The following PTK2 variants were observed in gnomAD, a reference collection of about 807,000 sequenced individuals.
PTK2 encodes the protein focal adhesion kinase 1.
PTK2 carries 45 observed loss-of-function variants against 150.1 expected under a neutral mutation model. The observed-to-expected ratio is 0.30, with a 90% CI of 0.24 to 0.38. The LOEUF (loss-of-function observed/expected upper bound fraction) is 0.38. Ranked by LOEUF, PTK2 falls within the 10% of genes least tolerant of loss-of-function variation. The pLI is 1.00. For synonymous variants in PTK2, 432 were observed against 449.2 expected, an observed-to-expected ratio of 0.96 and a Z score of 0.48; for missense variants, 919 against 1,307.3, an observed-to-expected ratio of 0.70 and a Z score of 4.58.
intron 14 of PTK2, among the ~76,000 whole-genome samples, chr8:140,768,210 C>T (rs1018273186): frequency 1.3e-5 from 2 of 151,934 alleles, no homozygotes; most frequent in African/African-American, 4.8e-5. Context: ...ATTTCACAGG[C>T]AAGAAACGGT....
chr8:140,669,301 G>GTATATATATATATATATATA (rs35271369), intron 29 of PTK2: 50 of 97,986 alleles, frequency 5.1e-4, no homozygotes, highest in South Asian at 6.9e-4. Context: ...GCATAAAATG[G>GTATATATATATATATATATA]TATATATATA....
chr8:140,972,767 T>C (rs1276594372), intron 1 of PTK2, among the ~76,000 whole-genome samples: 1 of 152,240 alleles, frequency 6.6e-6, no homozygotes, highest in Non-Finnish European at 1.5e-5. Context: ...CGCACACTGG[T>C]AGAGTTAAGA....
intron 2 of PTK2, among the ~76,000 whole-genome samples, chr8:140,905,989 G>A (rs1281328098): frequency 1.3e-5 from 2 of 151,548 alleles, no homozygotes; most frequent in Non-Finnish European, 2.9e-5. Context: ...GACACAACAT[G>A]CCAGATCCTG....
At chr8:140,874,590 C>T (rs1438762394) in intron 4 of PTK2, among the ~76,000 whole-genome samples, 2 of 152,178 alleles carry the variant, frequency 1.3e-5, no homozygotes, top group Non-Finnish European at 2.9e-5. Context: ...AGTATACCAC[C>T]CATTTAAGCC....
chr8:140,856,444 G>A (rs544153233), intron 5 of PTK2, among the ~76,000 whole-genome samples: 5 of 151,988 alleles, frequency 3.3e-5, no homozygotes, highest in African/African-American at 1.2e-4. Flanking sequence ...AATACACTAC[G>A]ATATATTTAT....
At chr8:140,742,014 T>C (rs2100055983) in intron 20 of PTK2, among the ~76,000 whole-genome samples, 2 of 152,136 alleles carry the variant, frequency 1.3e-5, no homozygotes, top group African/African-American at 4.8e-5. Flanking sequence ...CGCACGCCCG[T>C]AGTACCAGCA....
At chr8:140,748,644 C>G (rs1247406329) in intron 17 of PTK2, among the ~76,000 whole-genome samples, 1 of 152,128 alleles carries the variant, frequency 6.6e-6, no homozygotes, top group Non-Finnish European at 1.5e-5. Context: ...TGGCCTATGG[C>G]AGTAACATGA....
intron 1 of PTK2, among the ~76,000 whole-genome samples, chr8:140,957,860 C>T (rs535790563): frequency 2.6e-5 from 4 of 152,132 alleles, no homozygotes; most frequent in Non-Finnish European, 5.9e-5. Context: ...TTGCTGAGTA[C>T]ACTCTATGAC....
Position 140,735,057 on chromosome 8 carries a change from A to G in PTK2, c.2030+194T>C, listed in dbSNP as rs1305847728. ...ATAATTGGAGCTTTATTAAAATTTT[A>G]AAGATATAATTTACTTAAGACTCTA... On this transcript the variant is annotated intron_variant, in intron 22 of 31. Transcript: ENST00000522684. 4 of 608,290 alleles carry G rather than the reference A, an allele frequency of 6.6e-6. No homozygotes were observed. The African/African-American group carries it at 7.4e-5, about 11-fold the overall frequency. The allele number at this position is 608,290 out of a possible 1,614,324, so 37.7% of individuals were successfully genotyped here.
chr8:140,907,038 T>G (rs1309262664), intron 2 of PTK2, among the ~76,000 whole-genome samples: 1 of 152,212 alleles, frequency 6.6e-6, no homozygotes, highest in Non-Finnish European at 1.5e-5. Flanking sequence ...CAAGCAGATC[T>G]CACTGTTTCC....
chr8:140,804,403 T>C (rs887555887), intron 10 of PTK2, among the ~76,000 whole-genome samples: 5 of 150,856 alleles, frequency 3.3e-5, no homozygotes, highest in African/African-American at 9.8e-5. Flanking sequence ...CTGGGCAACA[T>C]AGTGAGACCC....
At chr8:140,959,677 A>C (rs1358798906) in intron 1 of PTK2, among the ~76,000 whole-genome samples, 1 of 152,028 alleles carries the variant, frequency 6.6e-6, no homozygotes, top group Non-Finnish European at 1.5e-5. Flanking sequence ...GGGATAAAGA[A>C]GGCCTAAATG....
chr8:140,808,922 G>A (rs1030486342), intron 10 of PTK2, among the ~76,000 whole-genome samples: 9 of 151,762 alleles, frequency 5.9e-5, no homozygotes, highest in Non-Finnish European at 1.0e-4. Flanking sequence ...TAGTAGAGAC[G>A]GGGTTTTGCC....
chr8:140,971,755 T>C (rs1263220696), intron 1 of PTK2, among the ~76,000 whole-genome samples: 4 of 152,206 alleles, frequency 2.6e-5, no homozygotes, highest in Non-Finnish European at 4.4e-5. Context: ...AAAGCAAGAT[T>C]TCAATTCTGT....
intron 7 of PTK2, among the ~76,000 whole-genome samples, chr8:140,832,425 G>A (rs992017464): frequency 6.6e-6 from 1 of 152,128 alleles, no homozygotes; most frequent in South Asian, 2.1e-4. Context: ...GCGAACCTCC[G>A]GTTACTTGTA....
At chr8:140,983,740 G>A (rs1187345725) in intron 1 of PTK2, 1 of 151,820 alleles carries the variant, frequency 6.6e-6, no homozygotes, top group Non-Finnish European at 1.5e-5. Context: ...GAGGGAGGGA[G>A]GGAGGTGCAA....
chr8:140,863,235 C>T (rs1007760196), intron 5 of PTK2, among the ~76,000 whole-genome samples: 1 of 152,060 alleles, frequency 6.6e-6, no homozygotes, highest in Non-Finnish European at 1.5e-5. Context: ...CAAATCCATC[C>T]ACTAAATTTG....
chr8:140,671,863 C>T (rs1389758835), intron 29 of PTK2, among the ~76,000 whole-genome samples: 3 of 145,488 alleles, frequency 2.1e-5, no homozygotes, highest in Admixed American at 7.1e-5. Flanking sequence ...ACCCGGGAGG[C>T]GGAGCTTGCA....
At chr8:140,866,476 T>C (rs1474857716) in intron 4 of PTK2, among the ~76,000 whole-genome samples, 2 of 152,212 alleles carry the variant, frequency 1.3e-5, no homozygotes, top group Non-Finnish European at 2.9e-5. Context: ...ATAAGGAACA[T>C]GGGCTCTAGA....
Sources: gnomAD v4.1 joint callset for allele counts (sites outside exome capture counted in the v4.1 genomes callset) on GRCh38, gnomAD v4.1.1 for gene constraint, MANE v1.5 for transcripts, NCBI Gene and HGNC (gene_info 2026-07-23, HGNC 2026-07-21) for gene names.